The following POU2F2 variants were observed in gnomAD, a reference collection of about 807,000 sequenced individuals.
POU2F2 encodes POU class 2 homeobox 2, also known as POU domain, class 2, transcription factor 2.
POU2F2 carries 14 observed loss-of-function variants against 63.5 expected under a neutral mutation model. The observed-to-expected ratio is 0.22, with a 90% CI of 0.15 to 0.34. POU2F2 has a LOEUF of 0.34. Ranked by LOEUF, POU2F2 falls within the 10% of genes least tolerant of loss-of-function variation. POU2F2 has a pLI of 1.00. For synonymous variants in POU2F2, 306 were observed against 348.6 expected (o/e 0.88, Z 1.36); for missense variants, 607 against 815.2 (o/e 0.74, Z 3.11).
intron 5 of POU2F2, among the ~76,000 whole-genome samples, chr19:42,108,221 G>T (rs2030444556): frequency 6.6e-6 from 1 of 152,114 alleles, no homozygotes; most frequent in Non-Finnish European, 1.5e-5. Flanking sequence ...CTCATTCCCC[G>T]CTATATCCTC....
chr19:42,165,210 AC>A (rs1278262960), intron 1 of POU2F2, among the ~76,000 whole-genome samples: 1 of 151,990 alleles, frequency 6.6e-6, no homozygotes, highest in Non-Finnish European at 1.5e-5. Context: ...TTATGTCCAA[AC>A]CCAGCAGAGT....
chr19:42,094,613 A>G (rs1052948786), intron 11 of POU2F2, among the ~76,000 whole-genome samples: 2 of 152,222 alleles, frequency 1.3e-5, no homozygotes, highest in East Asian at 3.8e-4. Flanking sequence ...TATAAACTGC[A>G]GCACCAACCA....
intron 7 of POU2F2, 200 bp downstream of exon 7, chr19:42,099,327 C>T (rs1415878124): frequency 6.9e-6 from 4 of 580,208 alleles, no homozygotes; most frequent in Middle Eastern, 9.2e-4. Context: ...CTTGTCTGGG[C>T]CAGCTCCCCT....
chr19:42,116,799 C>G (rs557534957), intron 5 of POU2F2: 192 of 372,514 alleles, frequency 5.2e-4, no homozygotes, highest in Non-Finnish European at 7.1e-4. Flanking sequence ...GGTCACCCCC[C>G]CCAGAGGAGG....
chr19:42,101,246 G>T (rs1372358315), intron 5 of POU2F2, among the ~76,000 whole-genome samples: 2 of 152,076 alleles, frequency 1.3e-5, no homozygotes, highest in Non-Finnish European at 1.5e-5. Context: ...GTTATAGGTT[G>T]CAGTGTCTCC....
chr19:42,090,643 G>A lies in POU2F2; in HGVS notation c.*614C>T, dbSNP rs2076681098. 1 of 152,946 alleles carries A rather than the reference G, an allele frequency of 6.5e-6. No individual in the cohort carries two copies. Among genetic ancestry groups the A allele is most frequent in the African/African-American group, 2.4e-5 (1 of 41,462 alleles). The allele number at this position is 152,946 out of a possible 1,614,324, so 9.5% of individuals were successfully genotyped here. The stretch of plus-strand genomic sequence containing the variant: ...GAATATTTGGTGTAAGGTTGTTCAG[G>A]CCCTTTCTCTTTCACCTTCTGGAAA... On this transcript the variant is annotated 3_prime_UTR_variant, in exon 15 of 15. Coordinates refer to ENST00000692977, the MANE Select transcript of POU2F2 (RefSeq NM_001394376.1). The surrounding 1 kb of genome is among the most constrained non-coding windows in gnomAD (Gnocchi z 4.4).
At position 42,117,686 on chromosome 19, in the gene POU2F2, A is replaced by G. The variant is rs2146576408; in HGVS notation, c.187-254T>C. On this transcript the variant is annotated intron_variant, in intron 4 of 14. Transcript: ENST00000692977. The surrounding 1 kb of genome is among the most constrained non-coding windows in gnomAD (Gnocchi z 4.4). ...GAGAGTCAGTTTTCCTGTCTGTAAA[A>G]TGGAAAAGAGTGGCTGGGCACGGTG... Among the ~76,000 whole-genome samples the G allele has an allele frequency of 6.6e-6, 1 of 152,174 alleles. No individual in the cohort carries two copies. Among genetic ancestry groups the G allele is most frequent in the East Asian group, 1.9e-4 (1 of 5,166 alleles).
upstream of POU2F2, among the ~76,000 whole-genome samples, chr19:42,179,267 G>C (rs1470302220): frequency 6.6e-6 from 1 of 151,724 alleles, no homozygotes; most frequent in Non-Finnish European, 1.5e-5. Flanking sequence ...GAGAGGAGGG[G>C]AAGAAAGAGA....
At chr19:42,174,251 G>A (rs1298737571) in intron 1 of POU2F2, among the ~76,000 whole-genome samples, 2 of 152,152 alleles carry the variant, frequency 1.3e-5, no homozygotes, top group Admixed American at 1.3e-4. Context: ...ATGCAGAAAT[G>A]GTACTTTCAC....
rs563664443 is a variant in POU2F2 at position 42,138,762 on chromosome 19, G to A, written c.-8-16186C>T. Among the ~76,000 whole-genome samples, 12 of 152,148 alleles carry A rather than the reference G, an allele frequency of 7.9e-5. No individual in the cohort carries two copies. The South Asian group carries it at 1.5e-3, about 18-fold the overall frequency. On this transcript the variant is annotated intron_variant, in intron 2 of 6. Transcript: ENST00000524801. ...TGGGCTGGGGTGGCTGGGTGGATGC[G>A]AGGCCATCACTGAAAGACACAGTGA...
At chr19:42,186,306 C>G (rs951513521) in intron 1 of POU2F2, among the ~76,000 whole-genome samples, 2 of 151,964 alleles carry the variant, frequency 1.3e-5, no homozygotes, top group Non-Finnish European at 2.9e-5. Context: ...GCCAGGCTAC[C>G]CTGGCTGGAC....
chr19:42,149,158 C>T (rs939478733), intron 2 of POU2F2, among the ~76,000 whole-genome samples: 6 of 152,122 alleles, frequency 3.9e-5, no homozygotes, highest in South Asian at 2.1e-4. Flanking sequence ...TGGAGTAGCT[C>T]GCTTTTCAGG....
intron 2 of POU2F2, among the ~76,000 whole-genome samples, chr19:42,149,893 G>A (rs1000931456): frequency 7.9e-5 from 12 of 152,162 alleles, no homozygotes; most frequent in Non-Finnish European, 1.6e-4. Flanking sequence ...TCCAGCTCCC[G>A]GCCCTCTCTC....
intron 1 of POU2F2, among the ~76,000 whole-genome samples, chr19:42,171,269 C>A (rs2034759706): frequency 6.6e-6 from 1 of 152,036 alleles, no homozygotes; most frequent in African/African-American, 2.4e-5. Context: ...GGTGGGATGG[C>A]TATAGCTGTG....
chr19:42,185,851 A>C (rs939392517), intron 1 of POU2F2, among the ~76,000 whole-genome samples: 2 of 152,094 alleles, frequency 1.3e-5, no homozygotes, highest in South Asian at 4.1e-4. Flanking sequence ...AAATCACAAC[A>C]CTATAGTGTG....
rs147649525 is a variant in POU2F2, at chr19:42,126,245, C to T, written c.29-3669G>A. Among the ~76,000 whole-genome samples the T allele has an allele frequency of 5.1e-3, 776 of 152,066 alleles. 4 individuals are homozygous for T. Among genetic ancestry groups the T allele is most frequent in the Non-Finnish European group, 8.0e-3 (544 of 68,004 alleles). On this transcript the variant is annotated intron_variant, in intron 1 of 14. Transcript: ENST00000692977. ...AGATCACCAGTTCAGGAGTTTGAGGCCAGCCTAACCAACAATGTGAAATCC... is the reference window on the plus strand; with the variant it reads ...AGATCACCAGTTCAGGAGTTTGAGGTCAGCCTAACCAACAATGTGAAATCC...
intron 1 of POU2F2, among the ~76,000 whole-genome samples, chr19:42,160,919 T>C (rs2034540425): frequency 6.6e-6 from 1 of 152,246 alleles, no homozygotes; most frequent in Non-Finnish European, 1.5e-5. Flanking sequence ...AAAGTCATAA[T>C]GATATTTCTG....
intron 1 of POU2F2, among the ~76,000 whole-genome samples, chr19:42,184,095 C>A (rs1599728814): frequency 6.6e-6 from 1 of 151,272 alleles, no homozygotes; most frequent in East Asian, 1.9e-4. Context: ...CCACCTCGAC[C>A]TTCTCCTGCC....
chr19:42,164,935 C>T (rs1237998407), intron 1 of POU2F2, among the ~76,000 whole-genome samples: 1 of 150,640 alleles, frequency 6.6e-6, no homozygotes, highest in Non-Finnish European at 1.5e-5. Flanking sequence ...GCACTCCAGC[C>T]TGGGTGACAG....
Sources: allele counts gnomAD v4.1 joint callset (sites outside exome capture counted in the v4.1 genomes callset), GRCh38; gene constraint gnomAD v4.1.1; non-coding constraint Gnocchi (gnomAD v3.1); transcripts MANE v1.5; gene names NCBI Gene and HGNC (gene_info 2026-07-23, HGNC 2026-07-21).